Variants in PARN observed in about 807,000 individuals in gnomAD.
The protein encoded by PARN is poly(A)-specific ribonuclease PARN.
PARN carries 71 observed loss-of-function variants against 102.8 expected under a neutral mutation model. The observed-to-expected ratio is 0.69, with a 90% CI of 0.57 to 0.84. The LOEUF is 0.84. PARN is among the 40% of genes least tolerant of loss of function. The probability of loss-of-function intolerance (pLI) is 0.00; values close to 1 mark genes in which losing one functional copy is unlikely to be tolerated. For synonymous variants in PARN, 261 were observed against 252.9 expected, an observed-to-expected ratio of 1.03 and a Z score of -0.30; for missense variants, 782 against 760.9, an observed-to-expected ratio of 1.03 and a Z score of -0.33.
chr16:14,584,157 A>G (rs1969699202), intron 16 of PARN, among the ~76,000 whole-genome samples, 190 bp downstream of exon 16: 1 of 152,216 alleles, frequency 6.6e-6, no homozygotes, highest in South Asian at 2.1e-4. Flanking sequence ...CATTAACATA[A>G]AATATATGTA....
At chr16:14,570,603 T>C (rs1315885429) in intron 18 of PARN, among the ~76,000 whole-genome samples, 1 of 144,216 alleles carries the variant, frequency 6.9e-6, no homozygotes, top group Non-Finnish European at 1.5e-5. Context: ...TGAACAAAGA[T>C]CATGCCACTG....
intron 5 of PARN, among the ~76,000 whole-genome samples, 157 bp from the exon 6 acceptor site, chr16:14,617,807 T>C (rs552404951): frequency 6.6e-6 from 1 of 152,088 alleles, no homozygotes; most frequent in Non-Finnish European, 1.5e-5. Flanking sequence ...CCACAAACAA[T>C]CCATTAACTT....
At chr16:14,467,602 G>A (rs2151580048) in intron 22 of PARN, among the ~76,000 whole-genome samples, 1 of 152,292 alleles carries the variant, frequency 6.6e-6, no homozygotes, top group East Asian at 1.9e-4. Flanking sequence ...AGCATTGCAT[G>A]ATATTGATTA....
At chr16:14,509,067 C>T (rs572706536) in intron 21 of PARN, among the ~76,000 whole-genome samples, 6 of 152,112 alleles carry the variant, frequency 3.9e-5, no homozygotes, top group East Asian at 3.9e-4. Flanking sequence ...ACTCAGGTGA[C>T]GTCACCCACT....
At chr16:14,622,581 T>G (rs1972380198) in intron 5 of PARN, among the ~76,000 whole-genome samples, 1 of 152,244 alleles carries the variant, frequency 6.6e-6, no homozygotes, top group Non-Finnish European at 1.5e-5. Context: ...CTTGGCTCAG[T>G]GCAAGCTCTG....
At chr16:14,441,259 A>C (rs768053807) in intron 23 of PARN, among the ~76,000 whole-genome samples, 1 of 152,188 alleles carries the variant, frequency 6.6e-6, no homozygotes, top group Non-Finnish European at 1.5e-5. Flanking sequence ...GCATTTTCCA[A>C]ATTCTCATGC....
chr16:14,474,552 A>T (rs1450440803), intron 22 of PARN, among the ~76,000 whole-genome samples: 1 of 152,202 alleles, frequency 6.6e-6, no homozygotes, highest in Non-Finnish European at 1.5e-5. Flanking sequence ...AAGCATTTGG[A>T]ATTTAAGAGC....
chr16:14,536,943 T>C (rs1406894792), intron 21 of PARN, among the ~76,000 whole-genome samples: 1 of 151,918 alleles, frequency 6.6e-6, no homozygotes, highest in Non-Finnish European at 1.5e-5. Flanking sequence ...AACAGAAAAA[T>C]GAGACTATAT....
At chr16:14,526,336 C>T (rs1966002050) in intron 21 of PARN, among the ~76,000 whole-genome samples, 1 of 151,946 alleles carries the variant, frequency 6.6e-6, no homozygotes, top group Non-Finnish European at 1.5e-5. Context: ...GCCACCACGC[C>T]TGGCTAATTT....
rs78701077 is a variant in PARN at position 14,489,161 on chromosome 16, A to T, written c.1481-6334T>A. ...AATAGCAAGAAGATGATCAGCACAA[A>T]CTTCAGTAGAATAGCTGGTACTGGA... On this transcript the variant is annotated intron_variant, in intron 21 of 23. Coordinates refer to ENST00000437198, the MANE Select transcript of PARN (RefSeq NM_002582.4). 1.6e-3 allele frequency among the ~76,000 whole-genome samples: 247 copies of T among 152,340 alleles called. 2 individuals are homozygous for T. Among genetic ancestry groups the T allele is most frequent in the Admixed American group, 0.012 (180 of 15,306 alleles).
intron 21 of PARN, among the ~76,000 whole-genome samples, chr16:14,502,260 A>G (rs1316344311): frequency 6.6e-6 from 1 of 152,210 alleles, no homozygotes; most frequent in Non-Finnish European, 1.5e-5. Flanking sequence ...AGTTAAAATT[A>G]CCCTTGAAAC....
chr16:14,483,328 A>C (rs915125971), intron 21 of PARN, among the ~76,000 whole-genome samples: 2 of 152,226 alleles, frequency 1.3e-5, no homozygotes, highest in Non-Finnish European at 2.9e-5. Context: ...TTTTACATGC[A>C]TTATATCTAA....
At chr16:14,523,612 C>T (rs180702798) in intron 21 of PARN, among the ~76,000 whole-genome samples, 1 of 151,990 alleles carries the variant, frequency 6.6e-6, no homozygotes, top group Admixed American at 6.6e-5. Context: ...ACTGTACATA[C>T]GTAGAGATCA....
At chr16:14,514,462 A>G (rs555554008) in intron 21 of PARN, among the ~76,000 whole-genome samples, 1 of 152,284 alleles carries the variant, frequency 6.6e-6, no homozygotes, top group South Asian at 2.1e-4. Flanking sequence ...CTGGGATTAC[A>G]GGCATGAGCC....
At chr16:14,517,618 T>C (rs1965521413) in intron 21 of PARN, among the ~76,000 whole-genome samples, 1 of 152,240 alleles carries the variant, frequency 6.6e-6, no homozygotes, top group South Asian at 2.1e-4. Context: ...CCCATATGCT[T>C]ATATGCTAAA....
At chr16:14,586,181 G>T in intron 14 of PARN, 137 bp downstream of exon 14, 1 of 603,528 alleles carries the variant, frequency 1.7e-6, no homozygotes. Flanking sequence ...TCACTATGTT[G>T]CCCAGGCTGG....
intron 22 of PARN, among the ~76,000 whole-genome samples, chr16:14,454,992 A>C (rs1244556465): frequency 6.6e-6 from 1 of 152,240 alleles, no homozygotes; most frequent in Non-Finnish European, 1.5e-5. Flanking sequence ...AATAACCTCT[A>C]CCTGATATAG....
At chr16:14,557,312 C>T (rs1967751604) in intron 18 of PARN, among the ~76,000 whole-genome samples, 1 of 151,286 alleles carries the variant, frequency 6.6e-6, no homozygotes, top group African/African-American at 2.4e-5. Context: ...GTAATCCCAG[C>T]ACTTTGGGAG....
At chr16:14,490,564 G>A (rs1007122199) in intron 21 of PARN, among the ~76,000 whole-genome samples, 6 of 152,074 alleles carry the variant, frequency 3.9e-5, no homozygotes, top group Non-Finnish European at 8.8e-5. Context: ...CTACTTCACA[G>A]GCCCAAATCC....
Sources: allele counts gnomAD v4.1 joint callset (sites outside exome capture counted in the v4.1 genomes callset), GRCh38; gene constraint gnomAD v4.1.1; transcripts MANE v1.5; gene names NCBI Gene and HGNC (gene_info 2026-07-23, HGNC 2026-07-21).